The following DCT variants were observed in gnomAD, a reference collection of about 807,000 sequenced individuals.
DCT encodes the protein L-dopachrome tautomerase.
A neutral mutation model predicts 53.0 loss-of-function variants in DCT; 47 were observed. The ratio of observed to expected loss-of-function variants is 0.89; its 90% CI spans 0.70 to 1.13. The LOEUF is 1.13. Among genes scored for constraint, DCT ranks in the 50% most tolerant of loss-of-function variants. DCT has a pLI of 0.00. For missense variants in DCT, 669 were observed against 637.4 expected (o/e 1.05, Z -0.53); for synonymous variants, 244 against 237.0 (o/e 1.03, Z -0.27).
At chr13:94,488,723 T>TATACAC in the DCT span, among the ~76,000 whole-genome samples, 2 of 139,132 alleles carry the variant, frequency 1.4e-5, no homozygotes, top group African/African-American at 5.5e-5. Flanking sequence ...GTCTAATATA[T>TATACAC]ACACACACAC....
At chr13:94,463,743 G>A (rs1883974477) in intron 4 of DCT, among the ~76,000 whole-genome samples, 1 of 152,142 alleles carries the variant, frequency 6.6e-6, no homozygotes, top group African/African-American at 2.4e-5. Context: ...AGATGTTATT[G>A]TGAGGGTTTT....
chr13:94,499,465 AGTGT>A, the DCT span, among the ~76,000 whole-genome samples: 1 of 150,682 alleles, frequency 6.6e-6, no homozygotes, highest in Admixed American at 6.6e-5. Context: ...CATGAGAGTG[AGTGT>A]GTGTGTGTGT....
intron 6 of DCT, among the ~76,000 whole-genome samples, chr13:94,454,791 G>A (rs1378406390): frequency 2.6e-5 from 4 of 152,084 alleles, no homozygotes; most frequent in African/African-American, 9.7e-5. Flanking sequence ...AATCATTTAA[G>A]GCTGAATTGG....
the DCT span, among the ~76,000 whole-genome samples, chr13:94,524,148 C>T: frequency 1.2e-4 from 19 of 152,110 alleles, no homozygotes; most frequent in Non-Finnish European, 1.8e-4. Flanking sequence ...GAGCTATGAC[C>T]GGGGTGTAGA....
At chr13:94,538,491 C>T in the DCT span, among the ~76,000 whole-genome samples, 1 of 152,192 alleles carries the variant, frequency 6.6e-6, no homozygotes, top group African/African-American at 2.4e-5. Flanking sequence ...TGGTATTAGC[C>T]TTCTCCCCTG....
At position 94,441,191 on chromosome 13, in the gene DCT, G is replaced by C. The variant is rs145474709; in HGVS notation, c.1382-1115C>G. 4.9e-4 allele frequency among the ~76,000 whole-genome samples: 74 copies of C among 152,182 alleles called. No individual in the cohort carries two copies. In the Middle Eastern group the frequency reaches 0.01, roughly 21 times the overall value. On this transcript the variant is annotated intron_variant, in intron 7 of 7. Coordinates refer to ENST00000377028, the MANE Select transcript of DCT (RefSeq NM_001922.5). Reference sequence around the variant, plus strand: ...GATTCCTCCAAGAGGGTTTTGATCTGTCTCCTCCTGATTCAACCCAGCAGC... The same window carrying C: ...GATTCCTCCAAGAGGGTTTTGATCTCTCTCCTCCTGATTCAACCCAGCAGC...
chr13:94,495,048 T>C, the DCT span, among the ~76,000 whole-genome samples: 1 of 152,336 alleles, frequency 6.6e-6, no homozygotes, highest in Non-Finnish European at 1.5e-5. Context: ...CTATGATATT[T>C]TCCATGAGTT....
rs938792152 is a variant in DCT at position 94,439,811 on chromosome 13, G to A, written c.*87C>T. On this transcript the variant is annotated 3_prime_UTR_variant, in exon 8 of 8. Transcript: ENST00000377028. Reference sequence around the variant, plus strand: ...CCTATGTCAAAGATCTTCAACTCAAGAAGGAACAGTGAGGATTAGTTCCTT... The same window carrying A: ...CCTATGTCAAAGATCTTCAACTCAAAAAGGAACAGTGAGGATTAGTTCCTT... 2 of 981,678 alleles carry A rather than the reference G, an allele frequency of 2.0e-6. No homozygotes were observed. Among genetic ancestry groups the A allele is most frequent in the Non-Finnish European group, 3.0e-6 (2 of 658,888 alleles). The allele number at this position is 981,678 out of a possible 1,614,324, so 60.8% of individuals were successfully genotyped here.
At position 94,443,583 on chromosome 13, in the gene DCT, G is replaced by T. The variant is rs1301917151; in HGVS notation, c.1234C>A (p.Pro412Thr). The change falls in exon 7 of 8, where the codon CCT (proline) becomes ACT (threonine). Residue 412 changes from proline (P) to threonine (T), a missense_variant. Physicochemically the swap from Pro to Thr is conservative, Grantham distance 38. Coordinates refer to ENST00000377028, the MANE Select transcript of DCT (RefSeq NM_001922.5). ...TCCTGAGGCCAGGCATCTGCAGGAG[G>T]ATTAAATCTTTTCATCCACTCATCA... is the stretch of plus-strand genomic sequence containing the variant. ...IFDEWMKRFN[P>T]PADAWPQELA... 1.9e-6 allele frequency: 3 copies of T among 1,614,018 alleles called. No individual in the cohort carries two copies. The highest frequency in any genetic ancestry group is 2.5e-6 in the Non-Finnish European group (3 of 1,179,940).
chr13:94,461,993 GA>G lies in DCT; in HGVS notation c.1043+16del, dbSNP rs1410983761. The G allele has an allele frequency of 1.9e-6, 3 of 1,609,794 alleles. No individual in the cohort carries two copies. In the African/African-American group the frequency reaches 4.0e-5, roughly 22 times the overall value. ...CTGTACTGTACAGGCAGGTCCAGCA[GA>G]GCTCAGAGCACCCACCTGAAACTGA... is the stretch of plus-strand genomic sequence containing the variant. On this transcript the variant is annotated intron_variant, in intron 5 of 7. Transcript: ENST00000377028.
intron 3 of DCT, among the ~76,000 whole-genome samples, chr13:94,466,069 G>C (rs1262502400): frequency 7.3e-6 from 1 of 137,004 alleles, no homozygotes; most frequent in Non-Finnish European, 1.5e-5. Flanking sequence ...AGGAGACCCT[G>C]CCATTTGCAA....
At chr13:94,476,986 G>T (rs751150248) in intron 1 of DCT, among the ~76,000 whole-genome samples, 44 of 152,130 alleles carry the variant, frequency 2.9e-4, no homozygotes, top group Non-Finnish European at 4.9e-4. Context: ...ATATGTTATT[G>T]AAATTTTTGT....
In DCT at chr13:94,437,194, GTTA is replaced by G. The variant is rs1160991233; in HGVS notation, c.*2701_*2703del. 6.6e-6 allele frequency: 1 copy of G among 152,134 alleles called. No individual in the cohort carries two copies. The highest frequency in any genetic ancestry group is 1.5e-5 in the Non-Finnish European group (1 of 68,028). The allele number at this position is 152,134 out of a possible 1,614,324, so 9.4% of individuals were successfully genotyped here. A position where few individuals can be genotyped will look rare whatever the true frequency, so the allele number is the denominator to read the frequency against. ...AGAGATTATTTTTCAGACTGAGGTT[GTTA>G]TTATATATTTTACATGTATATATAT... is the stretch of plus-strand genomic sequence containing the variant. On this transcript the variant is annotated 3_prime_UTR_variant, in exon 8 of 8. Transcript: ENST00000377028.
Position 94,439,895 on chromosome 13 carries a change from A to G in DCT, c.*3T>C, listed in dbSNP as rs749898661. The G allele has an allele frequency of 6.2e-7, 1 of 1,609,178 alleles. No homozygotes were observed. Among genetic ancestry groups the G allele is most frequent in the Non-Finnish European group, 8.5e-7 (1 of 1,178,012 alleles). On this transcript the variant is annotated 3_prime_UTR_variant, in exon 8 of 8. Transcript: ENST00000377028. Reference sequence around the variant, plus strand: ...CTCTTCTCTTAGGTAAGGCATGAGCACCCTAGGCTTCTTCTGTGTATCTCT... The same window carrying G: ...CTCTTCTCTTAGGTAAGGCATGAGCGCCCTAGGCTTCTTCTGTGTATCTCT...
At chr13:94,440,214 T>C (rs1234337004) in intron 7 of DCT, 138 bp from the exon 8 acceptor site, 24 of 629,444 alleles carry the variant, frequency 3.8e-5, no homozygotes, top group Non-Finnish European at 6.7e-5. Flanking sequence ...CTAAAATTTA[T>C]CTTCTCCTTT....
Position 94,465,514 on chromosome 13 carries a change from A to G in DCT, c.863+119T>C, listed in dbSNP as rs183288300. 4 of 834,726 alleles carry G rather than the reference A, an allele frequency of 4.8e-6. No individual in the cohort carries two copies. In the African/African-American group the frequency reaches 6.9e-5, roughly 14 times the overall value. 51.7% of individuals were successfully genotyped at this position (834,726 alleles called of 1,614,324 possible). Reference sequence around the variant, plus strand: ...CTCCCAGAGGAAAACTGTTTTTAGAAACATGTAAATAGGACACCACATGCA... The same window carrying G: ...CTCCCAGAGGAAAACTGTTTTTAGAGACATGTAAATAGGACACCACATGCA... On this transcript the variant is annotated intron_variant, in intron 4 of 7. Transcript: ENST00000377028.
upstream of DCT, among the ~76,000 whole-genome samples, chr13:94,480,783 T>C (rs1399907918): frequency 6.6e-6 from 1 of 152,110 alleles, no homozygotes; most frequent in Non-Finnish European, 1.5e-5. Flanking sequence ...TCAGCCAGAG[T>C]TGAGAATCAC....
the DCT span, among the ~76,000 whole-genome samples, chr13:94,504,340 G>A: frequency 6.6e-6 from 1 of 152,068 alleles, no homozygotes; most frequent in African/African-American, 2.4e-5. Flanking sequence ...GTGGTGCTGG[G>A]GCATTTGTAG....
At chr13:94,539,884 G>C in the DCT span, among the ~76,000 whole-genome samples, 1 of 152,088 alleles carries the variant, frequency 6.6e-6, no homozygotes, top group Non-Finnish European at 1.5e-5. Flanking sequence ...TTAGATAAAA[G>C]CTTTACAATG....
Sources: gnomAD v4.1 joint callset for allele counts (sites outside exome capture counted in the v4.1 genomes callset) on GRCh38, gnomAD v4.1.1 for gene constraint, MANE v1.5 for transcripts, NCBI Gene and HGNC (gene_info 2026-07-23, HGNC 2026-07-21) for gene names.